The following RICTOR variants were observed in gnomAD, a reference collection of about 807,000 sequenced individuals.
RICTOR encodes the protein rapamycin-insensitive companion of mTOR.
RICTOR carries 49 observed loss-of-function variants against 214.9 expected under a neutral mutation model. The ratio of observed to expected loss-of-function variants is 0.23; its 90% CI spans 0.18 to 0.29. The LOEUF is 0.29. Ranked by LOEUF, RICTOR falls within the 10% of genes least tolerant of loss-of-function variation. The probability of loss-of-function intolerance (pLI) is 1.00; values close to 1 mark genes in which losing one functional copy is unlikely to be tolerated. For missense variants in RICTOR, 1,625 were observed against 2,047.0 expected (o/e 0.79, Z 3.98); for synonymous variants, 717 against 711.3 (o/e 1.01, Z -0.13).
At chr5:39,004,705 G>C (rs570461058) in intron 3 of RICTOR, among the ~76,000 whole-genome samples, 1 of 149,466 alleles carries the variant, frequency 6.7e-6, no homozygotes, top group Admixed American at 6.7e-5. Context: ...GGTGATCCAC[G>C]ATCTGCCTGC....
In RICTOR at chr5:38,939,180, A is replaced by G. The variant is rs1319290150; in HGVS notation, c.*3124T>C. Reference sequence around the variant, plus strand: ...CATCCTCTGAATGGAATAACATTTTATATAAATAGCAGTAGGAAAATGTAA... The same window carrying G: ...CATCCTCTGAATGGAATAACATTTTGTATAAATAGCAGTAGGAAAATGTAA... On this transcript the variant is annotated 3_prime_UTR_variant, in exon 38 of 38. Transcript: ENST00000357387. 3 of 232,928 alleles carry G rather than the reference A, an allele frequency of 1.3e-5. No individual in the cohort carries two copies. Among genetic ancestry groups the G allele is most frequent in the African/African-American group, 4.4e-5 (2 of 45,320 alleles). 14.4% of individuals were successfully genotyped at this position (232,928 alleles called of 1,614,324 possible).
intron 10 of RICTOR, among the ~76,000 whole-genome samples, chr5:38,972,498 C>G (rs1361579102): frequency 1.3e-5 from 2 of 152,082 alleles, no homozygotes; most frequent in Non-Finnish European, 2.9e-5. Context: ...CCAATAAACA[C>G]ACACAAAGTG....
At chr5:39,035,526 G>T (rs939617393) in intron 2 of RICTOR, among the ~76,000 whole-genome samples, 1 of 152,138 alleles carries the variant, frequency 6.6e-6, no homozygotes, top group Non-Finnish European at 1.5e-5. Flanking sequence ...ACTACTCCGA[G>T]CTAAAAGAGG....
chr5:39,051,542 G>A (rs1343706781), intron 2 of RICTOR, among the ~76,000 whole-genome samples: 1 of 152,124 alleles, frequency 6.6e-6, no homozygotes, highest in Non-Finnish European at 1.5e-5. Flanking sequence ...GAGGTCAGGA[G>A]TTGGAGACCA....
chr5:38,958,181 G>A (rs1240253142), intron 24 of RICTOR, among the ~76,000 whole-genome samples: 2 of 151,876 alleles, frequency 1.3e-5, no homozygotes, highest in Non-Finnish European at 2.9e-5. Context: ...TGGTTGCATC[G>A]AGCCAACATT....
intron 3 of RICTOR, among the ~76,000 whole-genome samples, chr5:39,010,246 C>T (rs1754400244): frequency 6.6e-6 from 1 of 152,140 alleles, no homozygotes; most frequent in African/African-American, 2.4e-5. Flanking sequence ...CCTCCTGCTG[C>T]CATGTGAAGA....
chr5:38,945,412 CAAA>C, intron 34 of RICTOR, 76 bp downstream of exon 34: 1 of 989,268 alleles, frequency 1.0e-6, no homozygotes, highest in Non-Finnish European at 1.5e-6. Context: ...ATTAGAATAC[CAAA>C]AAGAAATTTG....
chr5:38,970,539 C>T (rs1188204323), intron 11 of RICTOR: 1 of 152,192 alleles, frequency 6.6e-6, no homozygotes, highest in Non-Finnish European at 1.5e-5. Flanking sequence ...TATATCCTTC[C>T]ATTTCCATTA....
At chr5:39,074,255 C>T in intron 1 of RICTOR, 74 bp downstream of exon 1, 2 of 1,583,790 alleles carry the variant, frequency 1.3e-6, no homozygotes, top group Middle Eastern at 3.3e-4. Context: ...CTCCCCAACC[C>T]AGGGCCAGGG....
At chr5:38,977,690 G>C (rs564198437) in intron 9 of RICTOR, among the ~76,000 whole-genome samples, 4 of 146,924 alleles carry the variant, frequency 2.7e-5, no homozygotes, top group Non-Finnish European at 5.9e-5. Flanking sequence ...CCGCCTCCCA[G>C]GTTCAAGCAA....
chr5:38,952,160 T>A, intron 30 of RICTOR, 36 bp downstream of exon 30: 1 of 1,191,254 alleles, frequency 8.4e-7, no homozygotes, highest in Middle Eastern at 1.9e-4. Context: ...AATGTTAACA[T>A]TGGCTAACTT....
At chr5:39,016,984 G>A (rs1755009688) in intron 3 of RICTOR, among the ~76,000 whole-genome samples, 1 of 152,042 alleles carries the variant, frequency 6.6e-6, no homozygotes, top group Non-Finnish European at 1.5e-5. Context: ...TTAATGTCAT[G>A]TTTCTTTTTA....
chr5:38,950,178 T>A lies in RICTOR; in HGVS notation c.3670A>T (p.Thr1224Ser), dbSNP rs1440069475. 6.2e-7 allele frequency: 1 copy of A among 1,613,588 alleles called. No homozygotes were observed. Among genetic ancestry groups the A allele is most frequent in the South Asian group, 1.1e-5 (1 of 91,072 alleles). The change falls in exon 31 of 38, where the codon ACT becomes TCT. Residue 1224 changes from threonine (T) to serine (S), a missense_variant. By Grantham distance (58) the Thr-to-Ser change is moderately conservative. Transcript: ENST00000357387. ...KIRSQSFNTD[T>S]TTSGISSMSS... is the part of the protein sequence containing the mutation. The stretch of plus-strand genomic sequence containing the variant: ...ATTGAACTTATGCCACTTGTTGTAG[T>A]GTCTGTATTGAAACTTTGGCTACGT...
intron 33 of RICTOR, 70 bp downstream of exon 33, chr5:38,946,398 C>A: frequency 2.1e-6 from 2 of 951,434 alleles, no homozygotes; most frequent in African/African-American, 1.6e-5. Context: ...TGTTATCCTA[C>A]TAGAAAGAAC....
chr5:39,047,312 A>G (rs1757560485), intron 2 of RICTOR, among the ~76,000 whole-genome samples: 1 of 152,174 alleles, frequency 6.6e-6, no homozygotes, highest in Non-Finnish European at 1.5e-5. Flanking sequence ...GATTCTCATA[A>G]GGAGGGCACG....
intron 2 of RICTOR, among the ~76,000 whole-genome samples, chr5:39,024,352 C>T (rs1755651927): frequency 6.6e-6 from 1 of 152,130 alleles, no homozygotes; most frequent in East Asian, 1.9e-4. Context: ...TGATCCATCA[C>T]TGAGTGAGAC....
intron 2 of RICTOR, among the ~76,000 whole-genome samples, chr5:39,040,802 T>C (rs983814534): frequency 2.6e-5 from 4 of 152,198 alleles, no homozygotes; most frequent in Non-Finnish European, 5.9e-5. Context: ...TATTCAGTTA[T>C]AAATTTCAAT....
In RICTOR at chr5:38,971,657, A is replaced by G. The variant is rs189139136; in HGVS notation, c.972+220T>C. 534 of 332,298 alleles carry G rather than the reference A, an allele frequency of 1.6e-3. 6 individuals are homozygous for G. Among genetic ancestry groups the G allele is most frequent in the African/African-American group, 0.011 (502 of 45,850 alleles). The allele number at this position is 332,298 out of a possible 1,614,324, so 20.6% of individuals were successfully genotyped here. ...CGGCCTCCCAAAGTTCTGGGATTAC[A>G]CGCATGAGCCACCGTGCCCAGACAA... On this transcript the variant is annotated intron_variant, in intron 11 of 37. Coordinates refer to ENST00000357387, the MANE Select transcript of RICTOR (RefSeq NM_152756.5).
intron 7 of RICTOR, among the ~76,000 whole-genome samples, chr5:38,986,493 G>A (rs1752182585): frequency 2.0e-5 from 3 of 152,106 alleles, no homozygotes; most frequent in Admixed American, 1.3e-4. Flanking sequence ...ATTTAATGAT[G>A]AAGAAAAGTT....
Sources: allele counts gnomAD v4.1 joint callset (sites outside exome capture counted in the v4.1 genomes callset), GRCh38; gene constraint gnomAD v4.1.1; transcripts MANE v1.5; gene names NCBI Gene and HGNC (gene_info 2026-07-23, HGNC 2026-07-21).